The following RHBDL3 variants were observed in gnomAD, a reference collection of about 807,000 sequenced individuals.
The protein encoded by RHBDL3 is rhomboid-related protein 3.
In RHBDL3, 28 loss-of-function variants were observed where a neutral mutation model predicts 48.2. The observed-to-expected ratio is 0.58, with a 90% CI of 0.43 to 0.80. RHBDL3 has a LOEUF of 0.80. Among genes scored for constraint, RHBDL3 ranks in the 30% least tolerant of loss-of-function variants. The probability of loss-of-function intolerance (pLI) is 0.00; values close to 1 mark genes in which losing one functional copy is unlikely to be tolerated. For missense variants in RHBDL3, 464 were observed against 542.7 expected (o/e 0.85, Z 1.44); for synonymous variants, 208 against 232.3 (o/e 0.90, Z 0.95).
In RHBDL3 at chr17:32,294,412, G is replaced by A. The variant is rs1230224244; in HGVS notation, c.638G>A (p.Arg213His). 9 of 1,614,060 alleles carry A rather than the reference G, an allele frequency of 5.6e-6. No individual in the cohort carries two copies. Among genetic ancestry groups the A allele is most frequent in the Admixed American group, 1.7e-5 (1 of 60,008 alleles). ...YHPQLRAQVW[R>H]YLTYIFMHAG... Reference sequence around the variant, plus strand: ...CCACAGCTGCGAGCACAGGTTTGGCGCTACCTGACATACATCTTCATGCAT... The same window carrying A: ...CCACAGCTGCGAGCACAGGTTTGGCACTACCTGACATACATCTTCATGCAT... Residue 213 changes from arginine (R) to histidine (H), a missense_variant, in exon 5 of 9, where the codon CGC (arginine) becomes CAC (histidine). Arg to His is a conservative substitution (Grantham distance 29, BLOSUM62 0). Transcript: ENST00000269051.
At chr17:32,313,780 C>A (rs1201464641) in intron 7 of RHBDL3, among the ~76,000 whole-genome samples, 2 of 78,436 alleles carry the variant, frequency 2.5e-5, no homozygotes, top group Non-Finnish European at 5.7e-5. Flanking sequence ...TTTTTTGAGA[C>A]GAGTCTCACT....
chr17:32,286,014 G>A (rs61232547), intron 3 of RHBDL3, among the ~76,000 whole-genome samples: 31,151 of 152,094 alleles, frequency 0.2, 3,631 homozygotes, highest in African/African-American at 0.31. Flanking sequence ...GAGTGGACCC[G>A]GGGAGCAGAC....
At chr17:32,299,334 C>G (rs2040529544) in intron 6 of RHBDL3, among the ~76,000 whole-genome samples, 1 of 152,168 alleles carries the variant, frequency 6.6e-6, no homozygotes, top group African/African-American at 2.4e-5. Context: ...TCACCCTGCA[C>G]CATCTCCTTT....
At chr17:32,310,483 G>A (rs1198385320) in intron 7 of RHBDL3, among the ~76,000 whole-genome samples, 1 of 152,114 alleles carries the variant, frequency 6.6e-6, no homozygotes, top group Non-Finnish European at 1.5e-5. Flanking sequence ...GGGAGGCTGA[G>A]GCAGGCGGAT....
chr17:32,284,809 G>C lies in RHBDL3; in HGVS notation c.286G>C (p.Val96Leu). ...TGGGCAGATCGGCTACCAGGATTTT[G>C]TCAGCCTAGTGAGTGCTCTGGGGCC... ...ADGQIGYQDFVSLMSNKRSNS... is the reference protein window; with the variant it reads ...ADGQIGYQDFLSLMSNKRSNS... Residue 96 changes from valine to leucine, a missense_variant, in exon 3 of 9, where the codon GTC becomes CTC. Val to Leu is a conservative substitution (Grantham distance 32, BLOSUM62 1). Transcript: ENST00000269051. 1 of 1,613,834 alleles carries C rather than the reference G, an allele frequency of 6.2e-7. No individual in the cohort carries two copies. Among genetic ancestry groups the C allele is most frequent in the East Asian group, 2.2e-5 (1 of 44,886 alleles).
At chr17:32,278,864 C>T (rs1037267822) in intron 2 of RHBDL3, among the ~76,000 whole-genome samples, 7 of 152,286 alleles carry the variant, frequency 4.6e-5, no homozygotes, top group South Asian at 2.1e-4. Flanking sequence ...GGGTGGCTCA[C>T]GCCTATAATC....
chr17:32,272,083 G>T (rs2039785200), intron 2 of RHBDL3, among the ~76,000 whole-genome samples: 1 of 152,122 alleles, frequency 6.6e-6, no homozygotes, highest in South Asian at 2.1e-4. Context: ...TTAACTTCAG[G>T]GTGACTATGA....
Position 32,273,005 on chromosome 17 carries a change from G to C in RHBDL3, c.135+5080G>C, listed in dbSNP as rs556544271. ...GTCTGCTCATTTTGTTTTTGTTTTTGTTTGTTTGTTTTGAGACATAGTTTC... is the reference window on the plus strand; with the variant it reads ...GTCTGCTCATTTTGTTTTTGTTTTTCTTTGTTTGTTTTGAGACATAGTTTC... On this transcript the variant is annotated intron_variant, in intron 2 of 8. Coordinates refer to ENST00000269051, the MANE Select transcript of RHBDL3 (RefSeq NM_138328.3). 3.9e-3 allele frequency among the ~76,000 whole-genome samples: 586 copies of C among 150,364 alleles called. 9 individuals carry two copies. Among genetic ancestry groups the C allele is most frequent in the African/African-American group, 0.014 (538 of 39,792 alleles).
At chr17:32,313,488 G>A (rs533350804) in intron 7 of RHBDL3, among the ~76,000 whole-genome samples, 5 of 152,180 alleles carry the variant, frequency 3.3e-5, no homozygotes, top group Admixed American at 2.0e-4. Context: ...CATTCACATT[G>A]TACAATCATC....
At position 32,321,072 on chromosome 17, in the gene RHBDL3, T is replaced by C. The variant is rs1168193685; in HGVS notation, c.1058T>C (p.Leu353Pro). ...GGTGGCGTGGCCGTGGGCATCACCC[T>C]GGGCGTGGTGGTCCTGAGGAACTAC... Reference protein sequence around the residue: ...HLGGVAVGITLGVVVLRNYEQ... With the variant: ...HLGGVAVGITPGVVVLRNYEQ... The change falls in exon 9 of 9, where the codon CTG (leucine) becomes CCG (proline). Residue 353 changes from leucine (L) to proline (P), a missense_variant. Transcript: ENST00000269051. The C allele has an allele frequency of 6.2e-7, 1 of 1,614,220 alleles. No homozygotes were observed. Among genetic ancestry groups the C allele is most frequent in the Non-Finnish European group, 8.5e-7 (1 of 1,180,006 alleles).
At chr17:32,283,583 A>G (rs1474256869) in intron 2 of RHBDL3, among the ~76,000 whole-genome samples, 2 of 151,954 alleles carry the variant, frequency 1.3e-5, no homozygotes, top group Non-Finnish European at 2.9e-5. Flanking sequence ...TTGGCCTCCC[A>G]AAGTGCTGGG....
At chr17:32,277,428 G>A (rs150811684) in intron 2 of RHBDL3, among the ~76,000 whole-genome samples, 82 of 152,358 alleles carry the variant, frequency 5.4e-4, no homozygotes, top group African/African-American at 1.9e-3. Flanking sequence ...TCATGGGCCT[G>A]CAGCTGGGAG....
chr17:32,278,620 G>A (rs1437313469), intron 2 of RHBDL3, among the ~76,000 whole-genome samples: 1 of 152,250 alleles, frequency 6.6e-6, no homozygotes, highest in South Asian at 2.1e-4. Flanking sequence ...GAGAGTGCAG[G>A]CTCTCGCCCC....
At chr17:32,303,364 T>C (rs1209405869) in intron 6 of RHBDL3, among the ~76,000 whole-genome samples, 2 of 152,162 alleles carry the variant, frequency 1.3e-5, no homozygotes, top group Non-Finnish European at 2.9e-5. Context: ...CAGCCCTCAT[T>C]GTAGCCCTGC....
chr17:32,273,136 G>T (rs1434080972), intron 2 of RHBDL3, among the ~76,000 whole-genome samples: 9 of 152,200 alleles, frequency 5.9e-5, no homozygotes, highest in Non-Finnish European at 1.2e-4. Flanking sequence ...GAGTAGCTGG[G>T]ATTACAGGTG....
At chr17:32,268,406 C>T (rs1448587776) in intron 2 of RHBDL3, among the ~76,000 whole-genome samples, 1 of 152,116 alleles carries the variant, frequency 6.6e-6, no homozygotes, top group African/African-American at 2.4e-5. Context: ...TTAATTCTGT[C>T]ATAGGGATGA....
chr17:32,266,485 C>T (rs1735994156), intron 1 of RHBDL3, among the ~76,000 whole-genome samples, 185 bp downstream of exon 1: 1 of 152,134 alleles, frequency 6.6e-6, no homozygotes, highest in Admixed American at 6.5e-5. Flanking sequence ...GCGCGCACCG[C>T]TTCCCCCGCT....
rs2040969524 is a variant in RHBDL3, at chr17:32,316,245, T to C, written c.896T>C (p.Met299Thr). ...CTTTTTCCCTAGAACTGGTCAGGCA[T>C]GAAGTGCCAGTTCAAGCTGCTGCGG... ...LANIVMNWSGMKCQFKLLRMA... is the reference protein window; with the variant it reads ...LANIVMNWSGTKCQFKLLRMA... Residue 299 changes from methionine to threonine, a missense_variant, in exon 8 of 9, where the codon ATG becomes ACG. By Grantham distance (81) the Met-to-Thr change is moderately conservative. Coordinates refer to ENST00000269051, the MANE Select transcript of RHBDL3 (RefSeq NM_138328.3). 6.2e-7 allele frequency: 1 copy of C among 1,613,766 alleles called. No individual in the cohort carries two copies.
chr17:32,317,199 G>A (rs544088413), intron 8 of RHBDL3, among the ~76,000 whole-genome samples: 1 of 152,052 alleles, frequency 6.6e-6, no homozygotes, highest in Non-Finnish European at 1.5e-5. Context: ...TCTTTTTATT[G>A]ACATATAATA....
Sources: allele counts gnomAD v4.1 joint callset (sites outside exome capture counted in the v4.1 genomes callset), GRCh38; gene constraint gnomAD v4.1.1; transcripts MANE v1.5; gene names NCBI Gene and HGNC (gene_info 2026-07-23, HGNC 2026-07-21).